The following ATG2B variants were observed in gnomAD, a reference collection of about 807,000 sequenced individuals.
ATG2B encodes the protein autophagy related 2B.
ATG2B carries 121 observed loss-of-function variants against 241.3 expected under a neutral mutation model. The observed-to-expected ratio is 0.50, with a 90% CI of 0.43 to 0.58. The LOEUF is 0.58. Ranked by LOEUF, ATG2B falls within the 20% of genes least tolerant of loss-of-function variation. The probability of loss-of-function intolerance (pLI) is 0.00; values close to 1 mark genes in which losing one functional copy is unlikely to be tolerated. For synonymous variants in ATG2B, 858 were observed against 876.6 expected (o/e 0.98, Z 0.37); for missense variants, 2,306 against 2,491.6 (o/e 0.93, Z 1.59).
At position 96,295,135 on chromosome 14, in the gene ATG2B, T is replaced by C; in HGVS notation, c.5251A>G (p.Ser1751Gly). The change falls in exon 36 of 42, where the codon AGT becomes GGT. Residue 1751 changes from serine to glycine, a missense_variant. Coordinates refer to ENST00000359933, the MANE Select transcript of ATG2B (RefSeq NM_018036.7). ...KKSPGADVTC[S>G]LPRHLSTSKE... ...GAGGTACTCAAATGCCTTGGCAAAC[T>C]GCAGGTGACATCAGCTCCAGGAGAC... The C allele has an allele frequency of 6.2e-7, 1 of 1,614,212 alleles. No individual in the cohort carries two copies. Among genetic ancestry groups the C allele is most frequent in the Non-Finnish European group, 8.5e-7 (1 of 1,180,034 alleles).
At chr14:96,319,600 AG>A (rs1216369837) in intron 18 of ATG2B, among the ~76,000 whole-genome samples, 13 of 152,180 alleles carry the variant, frequency 8.5e-5, no homozygotes, top group Admixed American at 8.5e-4. Flanking sequence ...GAAAAATAAA[AG>A]GATAGTATTG....
chr14:96,334,447 CCTG>C lies in ATG2B; in HGVS notation c.976_978del (p.Gln326del). 1 of 1,611,582 alleles carries C rather than the reference CCTG, an allele frequency of 6.2e-7. No individual in the cohort carries two copies. The highest frequency in any genetic ancestry group is 2.2e-5 in the East Asian group (1 of 44,760). Reference sequence around the variant, plus strand: ...GCCAACATATCCAAAAGCAAGTGCACCTGTCTTGGTGACAGGAGTAGATGAATA... The same window carrying C: ...GCCAACATATCCAAAAGCAAGTGCACTCTTGGTGACAGGAGTAGATGAATA... On this transcript the variant is annotated inframe_deletion, in exon 7 of 42. Transcript: ENST00000359933.
chr14:96,329,318 G>A (rs1052230798), intron 12 of ATG2B, among the ~76,000 whole-genome samples, 166 bp downstream of exon 12: 2 of 152,114 alleles, frequency 1.3e-5, no homozygotes, highest in African/African-American at 4.8e-5. Flanking sequence ...GATGTTGAGT[G>A]ACATTCTTAA....
chr14:96,315,959 G>T (rs1464802271), intron 21 of ATG2B, among the ~76,000 whole-genome samples: 2 of 152,180 alleles, frequency 1.3e-5, no homozygotes, highest in Non-Finnish European at 2.9e-5. Flanking sequence ...ATCGACTGAT[G>T]AATGGATACA....
intron 5 of ATG2B, among the ~76,000 whole-genome samples, chr14:96,342,730 A>AAC (rs1555369835): frequency 6.6e-6 from 1 of 151,772 alleles, no homozygotes; most frequent in African/African-American, 2.4e-5. Context: ...AAAAAAAAAA[A>AAC]AAACAAACAT....
Position 96,328,497 on chromosome 14 carries a change from T to C in ATG2B, c.2013A>G (p.Ala671=). Reference sequence around the variant, plus strand: ...CTGGATTTAATTTAATTTGCAATTCTGCCTTGTGAGGAACTGAACTAAGTC... The same window carrying C: ...CTGGATTTAATTTAATTTGCAATTCCGCCTTGTGAGGAACTGAACTAAGTC... ...QARLSSVPHK[A]ELQIKLNPVC... The change falls in exon 14 of 42, where the codon GCA becomes GCG. Residue 671 remains alanine, a synonymous_variant. Transcript: ENST00000359933. 6.2e-7 allele frequency: 1 copy of C among 1,612,896 alleles called. No individual in the cohort carries two copies. Among genetic ancestry groups the C allele is most frequent in the Non-Finnish European group, 8.5e-7 (1 of 1,179,800 alleles).
Position 96,345,302 on chromosome 14 carries a change from T to G in ATG2B, c.409A>C (p.Thr137Pro). 1.9e-6 allele frequency: 3 copies of G among 1,613,542 alleles called. No homozygotes were observed. In the South Asian group the frequency reaches 3.3e-5, roughly 18 times the overall value. Residue 137 changes from threonine (T) to proline (P), a missense_variant, in exon 3 of 42, where the codon ACA (threonine) becomes CCA (proline). Around this residue, in one of 2 missense-constraint regions of ATG2B, gnomAD observed 1,927 missense variants for 2,011.2 expected, o/e 0.96. Transcript: ENST00000359933. ...LAKECLSQKL[T>P]DEQGEGSQPF... Reference sequence around the variant, plus strand: ...TGGGATCCTTCTCCTTGTTCATCTGTTAGTTTCTGGCTAAGACATTCTTTT... The same window carrying G: ...TGGGATCCTTCTCCTTGTTCATCTGGTAGTTTCTGGCTAAGACATTCTTTT...
intron 34 of ATG2B, among the ~76,000 whole-genome samples, chr14:96,299,503 C>T (rs1461600438): frequency 6.6e-6 from 1 of 152,206 alleles, no homozygotes; most frequent in East Asian, 1.9e-4. Flanking sequence ...TGGGACAAGG[C>T]AGGCATTCAC....
chr14:96,296,054 C>T (rs530185838), intron 34 of ATG2B, among the ~76,000 whole-genome samples: 3 of 152,032 alleles, frequency 2.0e-5, no homozygotes, highest in Non-Finnish European at 2.9e-5. Flanking sequence ...CCTGGGTTCA[C>T]GCCATTCTCC....
intron 1 of ATG2B, among the ~76,000 whole-genome samples, chr14:96,358,199 G>C (rs1888530059): frequency 6.6e-6 from 1 of 152,194 alleles, no homozygotes; most frequent in South Asian, 2.1e-4. Context: ...ACTGGGGGGG[G>C]CTGAGGTGGG....
At chr14:96,317,342 C>A in intron 19 of ATG2B, 25 bp from the exon 20 acceptor site, 3 of 1,570,826 alleles carry the variant, frequency 1.9e-6, no homozygotes, top group Non-Finnish European at 2.6e-6. Flanking sequence ...CATACAATTA[C>A]ATTCTGATAG....
At chr14:96,309,732 G>T in intron 28 of ATG2B, 138 bp from the exon 29 acceptor site, 1 of 802,214 alleles carries the variant, frequency 1.2e-6, no homozygotes, top group East Asian at 2.8e-5. Context: ...TCTATGCCCA[G>T]CAGCTGTTAT....
At chr14:96,342,535 A>G (rs1427637178) in intron 5 of ATG2B, among the ~76,000 whole-genome samples, 1 of 152,056 alleles carries the variant, frequency 6.6e-6, no homozygotes, top group Admixed American at 6.6e-5. Flanking sequence ...CAGCCTGGCC[A>G]ACGTTGCGAA....
rs1491275020 is a variant in ATG2B at position 96,308,283 on chromosome 14, T to TG, written c.4303+1169_4303+1170insC. Among the ~76,000 whole-genome samples the TG allele has an allele frequency of 7.7e-3, 233 of 30,182 alleles. 8 individuals carry two copies. The highest frequency in any genetic ancestry group is 0.012 in the Non-Finnish European group (176 of 15,038). 19.8% of individuals were successfully genotyped at this position (30,182 alleles called of 152,430 possible). A position where few individuals can be genotyped will look rare whatever the true frequency, so the allele number is the denominator to read the frequency against. On this transcript the variant is annotated intron_variant, in intron 29 of 41. Coordinates refer to ENST00000359933, the MANE Select transcript of ATG2B (RefSeq NM_018036.7). The stretch of plus-strand genomic sequence containing the variant: ...ATATATATATATATATATATATATA[T>TG]TTTTTTTTTTTTTTTTTTTGAGACA...
rs1887151579 is a variant in ATG2B at position 96,311,364 on chromosome 14, T to C, written c.3991-77A>G. On this transcript the variant is annotated intron_variant, in intron 27 of 41. Coordinates refer to ENST00000359933, the MANE Select transcript of ATG2B (RefSeq NM_018036.7). Reference sequence around the variant, plus strand: ...GTTTCTTTTTTTGCATAGATTTACATTAAATAAGATTCATGATAATCTGTC... The same window carrying C: ...GTTTCTTTTTTTGCATAGATTTACACTAAATAAGATTCATGATAATCTGTC... The C allele has an allele frequency of 2.2e-6, 3 of 1,359,390 alleles. No homozygotes were observed. In the Admixed American group the frequency reaches 6.6e-5, roughly 30 times the overall value. The allele number at this position is 1,359,390 out of a possible 1,614,324, so 84.2% of individuals were successfully genotyped here. A position where few individuals can be genotyped will look rare whatever the true frequency, so the allele number is the denominator to read the frequency against.
rs1487566091 is a variant in ATG2B, at chr14:96,345,390, G to C, written c.326-5C>G. ...ACATAGGCTCAGAACCAGTTGCTGT[G>C]GAAAATATAAATTAATCCTAAATAA... On this transcript the variant is annotated splice_polypyrimidine_tract_variant and splice_region_variant and intron_variant, in intron 2 of 41. Coordinates refer to ENST00000359933, the MANE Select transcript of ATG2B (RefSeq NM_018036.7). 6.3e-7 allele frequency: 1 copy of C among 1,583,436 alleles called. No individual in the cohort carries two copies. The highest frequency in any genetic ancestry group is 1.4e-5 in the African/African-American group (1 of 72,954).
chr14:96,355,928 T>C (rs187001213), intron 1 of ATG2B, among the ~76,000 whole-genome samples: 232 of 151,896 alleles, frequency 1.5e-3, no homozygotes, highest in African/African-American at 5.3e-3. Context: ...TCCCAGCACT[T>C]TGAGAGGCAG....
rs1230165310 is a variant in ATG2B, at chr14:96,315,433, A to G, written c.3512T>C (p.Leu1171Pro). 2 of 1,614,200 alleles carry G rather than the reference A, an allele frequency of 1.2e-6. No individual in the cohort carries two copies. Among genetic ancestry groups the G allele is most frequent in the Non-Finnish European group, 1.7e-6 (2 of 1,180,018 alleles). The change falls in exon 22 of 42, where the codon CTG becomes CCG. Residue 1171 changes from leucine to proline, a missense_variant. By Grantham distance (98) the Leu-to-Pro change is moderately conservative (BLOSUM62 -3). Around this residue, in one of 2 missense-constraint regions of ATG2B, gnomAD observed 1,927 missense variants for 2,011.2 expected, o/e 0.96. Coordinates refer to ENST00000359933, the MANE Select transcript of ATG2B (RefSeq NM_018036.7). ...DGVGGDSLNM[L>P]SVAVKILSDK... ...AGACAATATTTTAACGGCAACAGAC[A>G]GCATATTCAAACTGTCTCCTCCAAC...
chr14:96,332,890 T>C (rs1887778748), intron 8 of ATG2B, among the ~76,000 whole-genome samples: 1 of 152,152 alleles, frequency 6.6e-6, no homozygotes, highest in Non-Finnish European at 1.5e-5. Context: ...GAACATGTTT[T>C]CTTTTGTTTT....
Sources: gnomAD v4.1 joint callset for allele counts (sites outside exome capture counted in the v4.1 genomes callset) on GRCh38, gnomAD v4.1.1 for gene constraint, gnomAD v4.1.1 regional missense constraint, MANE v1.5 for transcripts, NCBI Gene and HGNC (gene_info 2026-07-23, HGNC 2026-07-21) for gene names.